The following FRAS1 variants were observed in gnomAD, a reference collection of about 807,000 sequenced individuals.
FRAS1 encodes extracellular matrix organizing protein FRAS1.
In FRAS1, 290 loss-of-function variants were observed where a neutral mutation model predicts 435.2. That is an observed-to-expected ratio of 0.67 (90% CI 0.61 to 0.73). The LOEUF (loss-of-function observed/expected upper bound fraction) is 0.73. Ranked by LOEUF, FRAS1 falls within the 30% of genes least tolerant of loss-of-function variation. The pLI, the probability that FRAS1 is intolerant of heterozygous loss-of-function variation, is 0.00. For missense variants in FRAS1, 4,860 were observed against 5,001.5 expected, an observed-to-expected ratio of 0.97 and a Z score of 0.85; for synonymous variants, 1,800 against 1,851.0, an observed-to-expected ratio of 0.97 and a Z score of 0.71.
At chr4:78,141,406 G>C (rs1398037928) in intron 2 of FRAS1, among the ~76,000 whole-genome samples, 1 of 152,128 alleles carries the variant, frequency 6.6e-6, no homozygotes, top group Non-Finnish European at 1.5e-5. Context: ...TTAAGTGGGG[G>C]AGTTCTCTTT....
chr4:78,330,604 C>A (rs1330613456), intron 18 of FRAS1, among the ~76,000 whole-genome samples: 1 of 152,194 alleles, frequency 6.6e-6, no homozygotes, highest in Non-Finnish European at 1.5e-5. Flanking sequence ...TGAACTGGCC[C>A]CCCTGGGCGT....
chr4:78,243,408 A>G (rs6846707), intron 3 of FRAS1, among the ~76,000 whole-genome samples: 145,422 of 152,100 alleles, frequency 0.96, 69,818 homozygotes, highest in Non-Finnish European at 1. Context: ...CCCTGCAACC[A>G]CTTTCTAAAC....
At chr4:78,084,331 A>G (rs1421318498) in intron 2 of FRAS1, among the ~76,000 whole-genome samples, 1 of 152,132 alleles carries the variant, frequency 6.6e-6, no homozygotes, top group East Asian at 1.9e-4. Context: ...AAAACATAAT[A>G]CAGGTATATA....
In FRAS1 at chr4:78,518,450, A is replaced by ATATATATATATT. The variant is rs1487744216; in HGVS notation, c.10390-878_10390-877insATATATATTTAT. On this transcript the variant is annotated intron_variant, in intron 66 of 73. Transcript: ENST00000512123. ...TATATATATATATATATATATATAT[A>ATATATATATATT]TATTTATTTATTTATTTATTTGTGG... is the stretch of plus-strand genomic sequence containing the variant. Among the ~76,000 whole-genome samples the ATATATATATATT allele has an allele frequency of 3.5e-3, 239 of 69,236 alleles. 3 individuals are homozygous for ATATATATATATT. Among genetic ancestry groups the ATATATATATATT allele is most frequent in the African/African-American group, 8.4e-3 (221 of 26,318 alleles). The allele number at this position is 69,236 out of a possible 152,430, so 45.4% of individuals were successfully genotyped here.
intron 18 of FRAS1, among the ~76,000 whole-genome samples, chr4:78,327,867 A>G (rs1006164278): frequency 6.6e-6 from 1 of 152,170 alleles, no homozygotes. Flanking sequence ...TTGAAATTTC[A>G]TGACTTTTTT....
intron 2 of FRAS1, among the ~76,000 whole-genome samples, chr4:78,093,257 C>T (rs1019604849): frequency 1.6e-4 from 24 of 152,276 alleles, no homozygotes; most frequent in African/African-American, 5.8e-4. Flanking sequence ...ACTGCAAGTA[C>T]CAGCTTAAAA....
chr4:78,192,221 C>T (rs4859917), intron 2 of FRAS1, among the ~76,000 whole-genome samples: 39,623 of 152,054 alleles, frequency 0.26, 6,218 homozygotes, highest in South Asian at 0.52. Flanking sequence ...ATGTTCATCA[C>T]GGATATTGGT....
chr4:78,367,358 T>G (rs561797043), intron 22 of FRAS1, among the ~76,000 whole-genome samples: 4 of 150,434 alleles, frequency 2.7e-5, no homozygotes, highest in African/African-American at 7.3e-5. Context: ...GCTGTGTTCA[T>G]GCCACTATAC....
Position 78,397,620 on chromosome 4 carries a change from A to C in FRAS1, c.3976-3114A>C, listed in dbSNP as rs1480298731. Reference sequence around the variant, plus strand: ...AATTTGTGAGCAAGGCTCTTGGTGGAGCCCATTAGCCAGTTAGTATGATCT... The same window carrying C: ...AATTTGTGAGCAAGGCTCTTGGTGGCGCCCATTAGCCAGTTAGTATGATCT... On this transcript the variant is annotated intron_variant, in intron 29 of 73. Coordinates refer to ENST00000512123, the MANE Select transcript of FRAS1 (RefSeq NM_025074.7). 2.0e-5 allele frequency among the ~76,000 whole-genome samples: 3 copies of C among 152,050 alleles called. 1 individual carries two copies. Among genetic ancestry groups the C allele is most frequent in the African/African-American group, 7.2e-5 (3 of 41,408 alleles).
intron 18 of FRAS1, among the ~76,000 whole-genome samples, chr4:78,328,647 A>G (rs2110251850): frequency 6.6e-6 from 1 of 152,316 alleles, no homozygotes; most frequent in South Asian, 2.1e-4. Context: ...AATATTTGGG[A>G]AAAAATTCCT....
chr4:78,216,379 C>T (rs528978878), intron 2 of FRAS1, among the ~76,000 whole-genome samples: 2 of 152,266 alleles, frequency 1.3e-5, no homozygotes, highest in South Asian at 4.1e-4. Flanking sequence ...CATTTCTTTC[C>T]ATAGTTTGAA....
chr4:78,337,791 T>C lies in FRAS1; in HGVS notation c.2396T>C (p.Phe799Ser), dbSNP rs1416213740. The change falls in exon 20 of 74, where the codon TTC (phenylalanine) becomes TCC (serine). Residue 799 changes from phenylalanine to serine, a missense_variant. Coordinates refer to ENST00000512123, the MANE Select transcript of FRAS1 (RefSeq NM_025074.7). ...NCRTSCREEQ[F>S]LNLVGYCADC... is the part of the protein sequence containing the mutation. ...AGGACCAGCTGCAGGGAAGAGCAGT[T>C]CCTCAACCTCGTGGGATACTGTGCT... 5 of 1,613,818 alleles carry C rather than the reference T, an allele frequency of 3.1e-6. No homozygotes were observed. Among genetic ancestry groups the C allele is most frequent in the Non-Finnish European group, 4.2e-6 (5 of 1,179,874 alleles).
chr4:78,342,502 G>T (rs1730432317), intron 20 of FRAS1, among the ~76,000 whole-genome samples: 1 of 152,166 alleles, frequency 6.6e-6, no homozygotes. Flanking sequence ...GGGAGACACA[G>T]TTACTTTCTA....
chr4:78,269,525 G>A (rs1343744584), intron 9 of FRAS1, among the ~76,000 whole-genome samples: 3 of 152,166 alleles, frequency 2.0e-5, no homozygotes, highest in Non-Finnish European at 4.4e-5. Context: ...AAAAGAAGAG[G>A]CAAAGGTGTG....
intron 31 of FRAS1, among the ~76,000 whole-genome samples, chr4:78,408,084 G>A (rs574026460): frequency 2.4e-4 from 36 of 152,170 alleles, no homozygotes; most frequent in South Asian, 8.3e-4. Context: ...AGTGGAAAGC[G>A]AAAGACATGT....
rs547465966 is a variant in FRAS1, at chr4:78,295,350, T to C, written c.1534+8811T>C. ...ACTCTTTTAAGAAAGTTGTACTAATTTGTACTCTTACCAGAAATGTATAAG... is the reference window on the plus strand; with the variant it reads ...ACTCTTTTAAGAAAGTTGTACTAATCTGTACTCTTACCAGAAATGTATAAG... On this transcript the variant is annotated intron_variant, in intron 14 of 73. Transcript: ENST00000512123. 1.9e-4 allele frequency among the ~76,000 whole-genome samples: 29 copies of C among 152,348 alleles called. No individual in the cohort carries two copies. In the South Asian group the frequency reaches 6.0e-3, roughly 32 times the overall value.
chr4:78,193,149 C>G (rs1345893179), intron 2 of FRAS1, among the ~76,000 whole-genome samples: 1 of 152,218 alleles, frequency 6.6e-6, no homozygotes, highest in East Asian at 1.9e-4. Flanking sequence ...AGTTTGTTAT[C>G]ATTTCTGTTC....
intron 9 of FRAS1, among the ~76,000 whole-genome samples, chr4:78,269,494 G>A (rs939956618): frequency 6.6e-6 from 1 of 152,218 alleles, no homozygotes; most frequent in African/African-American, 2.4e-5. Flanking sequence ...ACATCAGAAA[G>A]CCACAGAGAA....
In FRAS1 at chr4:78,445,600, A is replaced by G. The variant is rs759683966; in HGVS notation, c.5744A>G (p.Tyr1915Cys). 1 of 1,613,602 alleles carries G rather than the reference A, an allele frequency of 6.2e-7. No individual in the cohort carries two copies. The highest frequency in any genetic ancestry group is 2.2e-5 in the East Asian group (1 of 44,874). The change falls in exon 42 of 74, where the codon TAC becomes TGC. Residue 1915 changes from tyrosine to cysteine, a missense_variant. Physicochemically the swap from Tyr to Cys is radical, Grantham distance 194 (BLOSUM62 -2). Transcript: ENST00000512123. ...CAAGACGTCCTGGAAAACTACATTT[A>G]CTACTTTCAGAGTGTTCATGAAAGC... ...PIQDVLENYI[Y>C]YFQSVHESIE...
Sources: gnomAD v4.1 joint callset for allele counts (sites outside exome capture counted in the v4.1 genomes callset) on GRCh38, gnomAD v4.1.1 for gene constraint, MANE v1.5 for transcripts, NCBI Gene and HGNC (gene_info 2026-07-23, HGNC 2026-07-21) for gene names.